GRIP1: variants seen among roughly 807,000 people sequenced by gnomAD.
GRIP1 encodes glutamate receptor interacting protein 1.
A neutral mutation model predicts 129.9 loss-of-function variants in GRIP1; 45 were observed. The ratio of observed to expected loss-of-function variants is 0.35; its 90% confidence interval spans 0.27 to 0.44. The LOEUF (loss-of-function observed/expected upper bound fraction) is 0.44. GRIP1 is among the 20% of genes least tolerant of loss of function. The pLI, the probability that GRIP1 is intolerant of heterozygous loss-of-function variation, is 1.00. For missense variants in GRIP1, 1,196 were observed against 1,396.8 expected, an observed-to-expected ratio of 0.86 and a Z score of 2.29; for synonymous variants, 530 against 520.8, an observed-to-expected ratio of 1.02 and a Z score of -0.24.
At chr12:66,718,169 C>A (rs1248311072) in intron 1 of GRIP1, among the ~76,000 whole-genome samples, 2 of 152,138 alleles carry the variant, frequency 1.3e-5, no homozygotes, top group Non-Finnish European at 2.9e-5. Flanking sequence ...GCAATGATGT[C>A]ATTCATTAAT....
intron 1 of GRIP1, among the ~76,000 whole-genome samples, chr12:66,661,490 G>A (rs2033506095): frequency 1.4e-5 from 2 of 146,792 alleles, no homozygotes; most frequent in African/African-American, 2.5e-5. Flanking sequence ...GGGGAGATGG[G>A]AAAAAAAATA....
chr12:66,933,861 G>C (rs1454279333), intron 1 of GRIP1, among the ~76,000 whole-genome samples: 3 of 152,118 alleles, frequency 2.0e-5, no homozygotes, highest in Admixed American at 2.0e-4. Flanking sequence ...TAAGTATTCA[G>C]ATTTACATAA....
At chr12:66,645,605 T>C (rs1022735309) in intron 1 of GRIP1, among the ~76,000 whole-genome samples, 5 of 152,152 alleles carry the variant, frequency 3.3e-5, no homozygotes, top group African/African-American at 1.2e-4. Flanking sequence ...CGGAATTAAC[T>C]CCCATTAAAA....
intron 1 of GRIP1, among the ~76,000 whole-genome samples, chr12:66,743,597 T>G (rs4144508): frequency 1.2e-5 from 1 of 81,204 alleles, no homozygotes; most frequent in East Asian, 5.8e-4. Flanking sequence ...GCTTTTTTTT[T>G]GTGTGTGTGT....
chr12:66,855,738 G>T (rs1317492946), intron 1 of GRIP1, among the ~76,000 whole-genome samples: 1 of 151,954 alleles, frequency 6.6e-6, no homozygotes, highest in Non-Finnish European at 1.5e-5. Flanking sequence ...ATAACACAGT[G>T]TGCTGGAGAC....
At chr12:66,686,278 G>C (rs890799730) in intron 1 of GRIP1, among the ~76,000 whole-genome samples, 17 of 152,166 alleles carry the variant, frequency 1.1e-4, no homozygotes, top group African/African-American at 3.9e-4. Context: ...AGCCCAGCTA[G>C]TTGTTCACTG....
intron 15 of GRIP1, among the ~76,000 whole-genome samples, chr12:66,417,687 T>C (rs1259273207): frequency 6.6e-6 from 1 of 152,062 alleles, no homozygotes; most frequent in Non-Finnish European, 1.5e-5. Context: ...TAATCCCTTT[T>C]ACAAGAGCCA....
intron 7 of GRIP1, among the ~76,000 whole-genome samples, chr12:66,474,853 G>A (rs1007637529): frequency 4.6e-5 from 7 of 152,124 alleles, no homozygotes; most frequent in Non-Finnish European, 7.3e-5. Flanking sequence ...AGGAACAACC[G>A]GTCCCAGCCA....
intron 1 of GRIP1, among the ~76,000 whole-genome samples, chr12:66,931,290 T>G (rs746483374): frequency 1.3e-4 from 20 of 152,242 alleles, no homozygotes; most frequent in Non-Finnish European, 2.6e-4. Flanking sequence ...ACTGAAATAC[T>G]GCAGAGGGAC....
chr12:66,401,735 C>A (rs1204595020), intron 16 of GRIP1, among the ~76,000 whole-genome samples: 6 of 151,728 alleles, frequency 4.0e-5, no homozygotes, highest in Non-Finnish European at 7.4e-5. Context: ...GAAACTGATG[C>A]TCAGAGAAGT....
chr12:66,503,402 C>T (rs747737857), intron 7 of GRIP1, among the ~76,000 whole-genome samples: 5 of 152,024 alleles, frequency 3.3e-5, no homozygotes, highest in Non-Finnish European at 7.4e-5. Context: ...AGGGAGAAAT[C>T]GTGGGAAAGA....
intron 2 of GRIP1, among the ~76,000 whole-genome samples, chr12:66,591,931 AT>A (rs1035823644): frequency 6.6e-6 from 1 of 152,018 alleles, no homozygotes; most frequent in African/African-American, 2.4e-5. Flanking sequence ...GGCGTCACTC[AT>A]TTTTTTGGAG....
In GRIP1 at chr12:66,958,385, G is replaced by C. The variant is rs375187243; in HGVS notation, c.58+110665C>G. 5.1e-4 allele frequency among the ~76,000 whole-genome samples: 77 copies of C among 152,182 alleles called. 1 individual carries two copies. The highest frequency in any genetic ancestry group is 1.7e-3 in the African/African-American group (71 of 41,534). ...TTACCCAAGCGATCCTCCCATCTTGGCCTCCCTAAGTGCTGGCATTAGAAG... is the reference window on the plus strand; with the variant it reads ...TTACCCAAGCGATCCTCCCATCTTGCCCTCCCTAAGTGCTGGCATTAGAAG... On this transcript the variant is annotated intron_variant, in intron 1 of 1. Coordinates refer to the GRIP1 transcript ENST00000643019.
At chr12:66,847,649 T>C (rs1481759687) in intron 1 of GRIP1, among the ~76,000 whole-genome samples, 2 of 152,108 alleles carry the variant, frequency 1.3e-5, no homozygotes, top group African/African-American at 2.4e-5. Flanking sequence ...CATGTTAAAA[T>C]TTGATTGAGT....
intron 1 of GRIP1, among the ~76,000 whole-genome samples, chr12:66,698,239 T>C (rs1026340051): frequency 2.6e-5 from 4 of 152,210 alleles, no homozygotes; most frequent in African/African-American, 9.6e-5. Context: ...AGAATTAACA[T>C]GTCAAAAATG....
intron 14 of GRIP1, among the ~76,000 whole-genome samples, chr12:66,428,794 CT>C (rs1294446362): frequency 6.6e-6 from 1 of 152,284 alleles, no homozygotes; most frequent in East Asian, 1.9e-4. Flanking sequence ...ACACAAACCC[CT>C]GTAATAAAAC....
intron 5 of GRIP1, among the ~76,000 whole-genome samples, chr12:66,527,347 T>TA (rs562644856): frequency 6.6e-6 from 1 of 151,980 alleles, no homozygotes; most frequent in Non-Finnish European, 1.5e-5. Flanking sequence ...TATGCAGCCA[T>TA]AAAAAATGAT....
intron 7 of GRIP1, among the ~76,000 whole-genome samples, chr12:66,486,792 A>AT (rs34841524): frequency 5.4e-5 from 8 of 149,350 alleles, no homozygotes; most frequent in South Asian, 4.3e-4. Flanking sequence ...GCAGGTCTCA[A>AT]TTTTTTTTTT....
chr12:66,914,372 A>G (rs2041084209), intron 1 of GRIP1, among the ~76,000 whole-genome samples: 1 of 152,146 alleles, frequency 6.6e-6, no homozygotes, highest in South Asian at 2.1e-4. Context: ...TTGTCTAGAA[A>G]AAAACATGTA....
Sources: allele counts gnomAD v4.1 joint callset (sites outside exome capture counted in the v4.1 genomes callset), GRCh38; gene constraint gnomAD v4.1.1; transcripts MANE v1.5; gene names NCBI Gene and HGNC (gene_info 2026-07-23, HGNC 2026-07-21).